Variants in FMN1 observed in about 807,000 individuals in gnomAD.
FMN1 encodes formin 1.
FMN1 carries 110 observed loss-of-function variants against 132.4 expected under a neutral mutation model. The observed-to-expected ratio is 0.83, with a 90% CI of 0.71 to 0.97. The LOEUF (loss-of-function observed/expected upper bound fraction) is 0.97. Ranked by LOEUF, FMN1 falls within the 50% of genes least tolerant of loss-of-function variation. The pLI, the probability that FMN1 is intolerant of heterozygous loss-of-function variation, is 0.00. For synonymous variants in FMN1, 722 were observed against 651.7 expected (o/e 1.11, Z -1.64); for missense variants, 1,792 against 1,705.3 (o/e 1.05, Z -0.90).
intron 6 of FMN1, chr15:33,064,702 G>C (rs1040709903): frequency 4.0e-5 from 11 of 273,140 alleles, no homozygotes; most frequent in African/African-American, 2.2e-4. Context: ...TTCTCCATCA[G>C]GTCCCCCAAG....
chr15:32,987,985 G>A (rs980880971), intron 7 of FMN1, among the ~76,000 whole-genome samples: 5 of 150,264 alleles, frequency 3.3e-5, no homozygotes, highest in East Asian at 1.9e-4. Context: ...GTAGTGCCTC[G>A]TTGCAGGTTT....
chr15:33,082,076 A>C (rs1595431870), intron 5 of FMN1, among the ~76,000 whole-genome samples: 1 of 134,816 alleles, frequency 7.4e-6, no homozygotes, highest in African/African-American at 3.1e-5. Context: ...TCGCTTTGTC[A>C]CCCAGGCTGG....
At chr15:33,068,183 C>T (rs537512185) in intron 5 of FMN1, 25 of 339,162 alleles carry the variant, frequency 7.4e-5, no homozygotes, top group East Asian at 7.3e-4. Context: ...CTGAAACTTC[C>T]GTATTTATTC....
At chr15:32,819,244 G>C (rs1349435881) in intron 17 of FMN1, among the ~76,000 whole-genome samples, 1 of 152,152 alleles carries the variant, frequency 6.6e-6, no homozygotes, top group Non-Finnish European at 1.5e-5. Context: ...AAGCTTATTA[G>C]GTGGACATAC....
intron 17 of FMN1, among the ~76,000 whole-genome samples, chr15:32,847,292 G>C (rs547105777): frequency 2.5e-4 from 35 of 140,802 alleles, no homozygotes; most frequent in African/African-American, 9.1e-4. Flanking sequence ...GTGTGTATGT[G>C]TGTGTGTGTG....
chr15:32,893,708 G>A (rs1431855539), intron 15 of FMN1, among the ~76,000 whole-genome samples: 2 of 152,256 alleles, frequency 1.3e-5, no homozygotes, highest in Non-Finnish European at 1.5e-5. Context: ...AAAGCCAGAA[G>A]AGCACCACAC....
At chr15:33,131,212 C>T (rs1963530199) in intron 4 of FMN1, among the ~76,000 whole-genome samples, 1 of 151,502 alleles carries the variant, frequency 6.6e-6, no homozygotes, top group Non-Finnish European at 1.5e-5. Context: ...ACCTGTAATC[C>T]CAGCTACTCG....
chr15:32,865,756 A>G (rs1382510014), intron 16 of FMN1, among the ~76,000 whole-genome samples: 1 of 151,930 alleles, frequency 6.6e-6, no homozygotes, highest in African/African-American at 2.4e-5. Context: ...GAATCACCTG[A>G]ACCTGGGAGG....
intron 8 of FMN1, among the ~76,000 whole-genome samples, chr15:32,968,015 T>G (rs961197882): frequency 2.0e-5 from 3 of 152,260 alleles, no homozygotes; most frequent in African/African-American, 7.2e-5. Context: ...GAATGGATGT[T>G]TCCAAGCAAC....
chr15:32,818,633 C>T (rs2058120880), intron 17 of FMN1, among the ~76,000 whole-genome samples: 1 of 152,124 alleles, frequency 6.6e-6, no homozygotes, highest in African/African-American at 2.4e-5. Context: ...TTTCTTTATC[C>T]TGTGCTTAAA....
intron 17 of FMN1, among the ~76,000 whole-genome samples, chr15:32,848,987 T>G (rs934659747): frequency 1.5e-5 from 2 of 135,958 alleles, no homozygotes; most frequent in East Asian, 2.1e-4. Context: ...GTTTTTTTTT[T>G]TTTTTTTTTT....
At chr15:33,068,111 C>G (rs1233243073) in intron 5 of FMN1, 1 of 1,184,728 alleles carries the variant, frequency 8.4e-7, no homozygotes, top group Non-Finnish European at 1.1e-6. Context: ...TCTGTGGAGT[C>G]TATGCCCAGA....
At position 32,768,479 on chromosome 15, in the gene FMN1, A is replaced by G. The variant is rs1161730550; in HGVS notation, c.*5831T>C. The G allele has an allele frequency of 2.0e-5, 3 of 152,234 alleles. No homozygotes were observed. Among genetic ancestry groups the G allele is most frequent in the Non-Finnish European group, 4.4e-5 (3 of 68,046 alleles). The allele number at this position is 152,234 out of a possible 1,614,324, so 9.4% of individuals were successfully genotyped here. A position where few individuals can be genotyped will look rare whatever the true frequency, so the allele number is the denominator to read the frequency against. ...CATTGGCAGCTCACACTATACATGG[A>G]GAGAAATATTCATATTAATTTAAGA... is the stretch of plus-strand genomic sequence containing the variant. On this transcript the variant is annotated 3_prime_UTR_variant, in exon 21 of 21. Coordinates refer to ENST00000616417, the MANE Select transcript of FMN1 (RefSeq NM_001277313.2).
intron 4 of FMN1, among the ~76,000 whole-genome samples, chr15:33,132,963 C>T (rs1170708762): frequency 6.6e-6 from 1 of 152,146 alleles, no homozygotes; most frequent in Admixed American, 6.5e-5. Flanking sequence ...TGGGAAAGGA[C>T]CACAGAATTC....
Position 32,798,789 on chromosome 15 carries a change from T to G in FMN1, c.4130+15A>C. 1 of 1,605,142 alleles carries G rather than the reference T, an allele frequency of 6.2e-7. No homozygotes were observed. Among genetic ancestry groups the G allele is most frequent in the Non-Finnish European group, 8.5e-7 (1 of 1,175,590 alleles). On this transcript the variant is annotated intron_variant, in intron 19 of 20. Transcript: ENST00000616417. ...GCTCCTGAAGGAGGCATTAAAATCT[T>G]TTTTTGAACCTTACCTTTCTTTAGA...
intron 4 of FMN1, among the ~76,000 whole-genome samples, chr15:33,104,574 T>C (rs1450897420): frequency 6.6e-6 from 1 of 152,000 alleles, no homozygotes; most frequent in East Asian, 1.9e-4. Context: ...GAACCTAAGA[T>C]AGCGCCAGTC....
chr15:32,860,871 A>T (rs2141313928), intron 16 of FMN1: 1 of 152,272 alleles, frequency 6.6e-6, no homozygotes, highest in South Asian at 2.1e-4. Context: ...ACCTCATCCC[A>T]TGAGTCATAA....
chr15:33,126,618 C>CAGGAAATGGGCGGA (rs1194327123), intron 4 of FMN1, among the ~76,000 whole-genome samples: 1 of 104,116 alleles, frequency 9.6e-6, no homozygotes, highest in Non-Finnish European at 2.2e-5. Flanking sequence ...AAGGAAGCAG[C>CAGGAAATGGGCGGA]AGGAAATGGG....
At chr15:32,776,689 T>G in intron 20 of FMN1, 146 bp downstream of exon 20, 1 of 182,124 alleles carries the variant, frequency 5.5e-6, no homozygotes, top group East Asian at 1.2e-4. Context: ...CACACATACT[T>G]TTTTTTTTTT....
Sources: gnomAD v4.1 joint callset for allele counts (sites outside exome capture counted in the v4.1 genomes callset) on GRCh38, gnomAD v4.1.1 for gene constraint, MANE v1.5 for transcripts, NCBI Gene and HGNC (gene_info 2026-07-23, HGNC 2026-07-21) for gene names.